The following ZNF736 variants were observed in gnomAD, a reference collection of about 807,000 sequenced individuals.
ZNF736 encodes the protein KRAB-containing zinc-finger repressor protein.
ZNF736 carries 6 observed loss-of-function variants against 11.7 expected under a neutral mutation model. That is an observed-to-expected ratio of 0.51 (90% CI 0.28 to 1.01). ZNF736 has a LOEUF of 1.01. Among genes scored for constraint, ZNF736 ranks in the 50% least tolerant of loss-of-function variants. The probability of loss-of-function intolerance (pLI) is 0.09; values close to 1 mark genes in which losing one functional copy is unlikely to be tolerated. For synonymous variants in ZNF736, 139 were observed against 164.7 expected, an observed-to-expected ratio of 0.84 and a Z score of 1.19; for missense variants, 444 against 496.0, an observed-to-expected ratio of 0.90 and a Z score of 1.00.
chr7:64,323,075 T>G (rs1789024177), intron 1 of ZNF736, among the ~76,000 whole-genome samples: 1 of 152,212 alleles, frequency 6.6e-6, no homozygotes, highest in Admixed American at 6.5e-5. Flanking sequence ...AACCACAGTT[T>G]TGCTCTGCTT....
chr7:64,330,322 A>AT (rs1370834774), intron 1 of ZNF736, among the ~76,000 whole-genome samples: 1 of 151,896 alleles, frequency 6.6e-6, no homozygotes, highest in East Asian at 1.9e-4. Context: ...GCGCCGGCTA[A>AT]TTTTTTTGTA....
At chr7:64,327,679 T>A (rs190122441) in intron 1 of ZNF736, among the ~76,000 whole-genome samples, 2 of 152,302 alleles carry the variant, frequency 1.3e-5, no homozygotes, top group East Asian at 3.9e-4. Context: ...ACGTTTTAAT[T>A]TTTAGATTTT....
rs769246106 is a variant in ZNF736, at chr7:64,329,229, G to GTC, written c.4-7027_4-7026dup. 1.2e-3 allele frequency among the ~76,000 whole-genome samples: 178 copies of GTC among 151,560 alleles called. 2 individuals are homozygous for GTC. The highest frequency in any genetic ancestry group is 3.8e-4 in the Non-Finnish European group (26 of 67,920). On this transcript the variant is annotated intron_variant, in intron 1 of 3. Transcript: ENST00000423484. Reference sequence around the variant, plus strand: ...CCTGTCTGAAAGGTTACATATCTCTGTCTCAGGATTTGCACACTAGTGCCT... The same window carrying GTC: ...CCTGTCTGAAAGGTTACATATCTCTGTCTCTCAGGATTTGCACACTAGTGCCT...
At position 64,351,366 on chromosome 7, in the gene ZNF736, G is replaced by A. The variant is rs79703911; in HGVS notation, c.*2219G>A. On this transcript the variant is annotated 3_prime_UTR_variant, in exon 4 of 4. Coordinates refer to ENST00000423484, the MANE Select transcript of ZNF736 (RefSeq NM_001170905.3). ...CAAAGAAATATCAGGAGTTGCCATG[G>A]TGTCACGGGAAGCTGCAGTATGGGG... 5,220 of 152,452 alleles carry A rather than the reference G, an allele frequency of 0.034. 181 individuals are homozygous for A. Among genetic ancestry groups the A allele is most frequent in the East Asian group, 0.17 (872 of 5,156 alleles). 9.4% of individuals were successfully genotyped at this position (152,452 alleles called of 1,614,324 possible).
In ZNF736 at chr7:64,349,147, A is replaced by G; in HGVS notation, c.1284A>G (p.Ter428=). ...CTAGAGAGAAGCTCCACAAGTGTTA[A>G]AAATGTGGAAAAGCCTTTACCAAGT... ...IHTREKLHKC[*] is the part of the protein sequence containing the mutation. The change falls in exon 4 of 4, where the codon TAA becomes TAG. Residue 428 remains the stop codon, a stop_retained_variant. Coordinates refer to ENST00000423484, the MANE Select transcript of ZNF736 (RefSeq NM_001170905.3). 1 of 1,516,664 alleles carries G rather than the reference A, an allele frequency of 6.6e-7. No homozygotes were observed. Among genetic ancestry groups the G allele is most frequent in the Non-Finnish European group, 8.8e-7 (1 of 1,134,982 alleles). 94.0% of individuals were successfully genotyped at this position (1,516,664 alleles called of 1,614,324 possible). A position where few individuals can be genotyped will look rare whatever the true frequency, so the allele number is the denominator to read the frequency against.
At chr7:64,348,019 T>G (rs1386099460) in intron 3 of ZNF736, 71 bp from the exon 4 acceptor site, 2 of 1,215,790 alleles carry the variant, frequency 1.6e-6, no homozygotes, top group Admixed American at 5.9e-5. Flanking sequence ...TTAATTGCTT[T>G]GTATAATTAT....
At position 64,336,918 on chromosome 7, in the gene ZNF736, C is replaced by A; in HGVS notation, c.162C>A (p.Thr54=). ...GLAIFKPDLM[T]CLEQRKEPWK... is the part of the protein sequence containing the mutation. ...CTATCTTTAAGCCAGACTTGATGAC[C>A]TGTCTGGAGCAAAGAAAAGAGCCTT... The change falls in exon 3 of 4, where the codon ACC becomes ACA. Residue 54 remains threonine (T), a synonymous_variant. Coordinates refer to ENST00000423484, the MANE Select transcript of ZNF736 (RefSeq NM_001170905.3). 6.9e-6 allele frequency: 11 copies of A among 1,602,834 alleles called. No individual in the cohort carries two copies. The highest frequency in any genetic ancestry group is 9.4e-6 in the Non-Finnish European group (11 of 1,174,416).
intron 1 of ZNF736, among the ~76,000 whole-genome samples, chr7:64,322,735 A>G (rs1387271076): frequency 6.6e-6 from 1 of 152,252 alleles, no homozygotes; most frequent in Non-Finnish European, 1.5e-5. Context: ...CGTTGAGTAT[A>G]TTAAGAGACA....
At chr7:64,341,719 G>A (rs1197702392) in intron 3 of ZNF736, among the ~76,000 whole-genome samples, 6 of 152,136 alleles carry the variant, frequency 3.9e-5, no homozygotes, top group African/African-American at 1.4e-4. Flanking sequence ...GATAATACTG[G>A]GAGTTGATTG....
chr7:64,336,967 G>A lies in ZNF736; in HGVS notation c.211G>A (p.Val71Ile), dbSNP rs1348542526. The A allele has an allele frequency of 2.5e-6, 4 of 1,602,446 alleles. No homozygotes were observed. The highest frequency in any genetic ancestry group is 2.6e-6 in the Non-Finnish European group (3 of 1,174,162). The change falls in exon 3 of 4, where the codon GTA becomes ATA. Residue 71 changes from valine to isoleucine, a missense_variant. Coordinates refer to ENST00000423484, the MANE Select transcript of ZNF736 (RefSeq NM_001170905.3). ...EPWKVKRQEA[V>I]AKHPAGSFHF... ...TTGGAAAGTGAAGAGACAGGAGGCA[G>A]TAGCCAAACACCCAGGTAGGTGGGA...
rs1789521575 is a variant in ZNF736, at chr7:64,353,821, G to A, written c.*4674G>A. 2 of 152,164 alleles carry A rather than the reference G, an allele frequency of 1.3e-5. No homozygotes were observed. The highest frequency in any genetic ancestry group is 4.1e-4 in the South Asian group (2 of 4,822). 9.4% of individuals were successfully genotyped at this position (152,164 alleles called of 1,614,324 possible). A position where few individuals can be genotyped will look rare whatever the true frequency, so the allele number is the denominator to read the frequency against. On this transcript the variant is annotated 3_prime_UTR_variant, in exon 4 of 4. Transcript: ENST00000423484. ...TTAGAAGGAAATTGCCTTACCATTT[G>A]CAAATTAAGGTAATTAAAATACAGT...
Position 64,348,289 on chromosome 7 carries a change from C to T in ZNF736, c.426C>T (p.Ser142=), listed in dbSNP as rs1407348412. Residue 142 remains serine (S), a synonymous_variant, in exon 4 of 4, where the codon AGC becomes AGT. Coordinates refer to ENST00000423484, the MANE Select transcript of ZNF736 (RefSeq NM_001170905.3). ...ATCAATGTTTGTCAGCTACCCATAG[C>T]AAAACCTGTCAATGTAATAAATGTG... ...GLHQCLSATH[S]KTCQCNKCGR... is the part of the protein sequence containing the mutation. The T allele has an allele frequency of 6.4e-7, 1 of 1,551,760 alleles. No individual in the cohort carries two copies. Among genetic ancestry groups the T allele is most frequent in the Non-Finnish European group, 8.7e-7 (1 of 1,146,906 alleles).
intron 3 of ZNF736, among the ~76,000 whole-genome samples, chr7:64,347,279 T>TA (rs1789425343): frequency 7.0e-6 from 1 of 143,486 alleles, no homozygotes; most frequent in Non-Finnish European, 1.5e-5. Flanking sequence ...AGTGCAATGT[T>TA]ACAAGCTTGG....
At chr7:64,319,217 T>G (rs1222912822) in intron 1 of ZNF736, among the ~76,000 whole-genome samples, 1 of 151,268 alleles carries the variant, frequency 6.6e-6, no homozygotes, top group African/African-American at 2.4e-5. Flanking sequence ...AAAGACCTTA[T>G]ATGGGAAAAC....
In ZNF736 at chr7:64,313,963, G is replaced by A. The variant is rs1788872882; in HGVS notation, c.-188G>A. On this transcript the variant is annotated 5_prime_UTR_variant, in exon 1 of 4. Transcript: ENST00000423484. The stretch of plus-strand genomic sequence containing the variant: ...AGTGCGCAGCTACAGAGGAAGAGGC[G>A]GCCTCTTCAATATGGCGGGGCCTTT... 4 of 717,184 alleles carry A rather than the reference G, an allele frequency of 5.6e-6. No individual in the cohort carries two copies. Among genetic ancestry groups the A allele is most frequent in the Admixed American group, 2.5e-5 (1 of 40,424 alleles). 44.4% of individuals were successfully genotyped at this position (717,184 alleles called of 1,614,324 possible).
At chr7:64,331,872 A>G (rs187243342) in intron 1 of ZNF736, among the ~76,000 whole-genome samples, 206 of 152,280 alleles carry the variant, frequency 1.4e-3, no homozygotes, top group African/African-American at 4.6e-3. Context: ...CAACTGAGTG[A>G]TGGAAAGGGG....
rs527818731 is a variant in ZNF736 at position 64,349,096 on chromosome 7, C to T, written c.1233C>T (p.His411=). The change falls in exon 4 of 4, where the codon CAC becomes CAT. Residue 411 remains histidine (H), a synonymous_variant. Coordinates refer to ENST00000423484, the MANE Select transcript of ZNF736 (RefSeq NM_001170905.3). ...GCAAAGCATCGAGCTGGTTCTCACA[C>T]CTCATCAGACATAAGAGAATTCATA... ...ECGKASSWFS[H]LIRHKRIHTR... is the part of the protein sequence containing the mutation. 1.9e-6 allele frequency: 3 copies of T among 1,589,632 alleles called. No homozygotes were observed. Among genetic ancestry groups the T allele is most frequent in the Non-Finnish European group, 2.6e-6 (3 of 1,167,398 alleles).
chr7:64,314,158 G>C lies in ZNF736; in HGVS notation c.3+5G>C. 1 of 1,552,134 alleles carries C rather than the reference G, an allele frequency of 6.4e-7. No individual in the cohort carries two copies. Among genetic ancestry groups the C allele is most frequent in the Non-Finnish European group, 8.7e-7 (1 of 1,147,300 alleles). ...ACATCTGGAGGCTGGGAAATGGTGA[G>C]TGCGTGGAGTGGGTGTCCCGAGAAT... is the stretch of plus-strand genomic sequence containing the variant. On this transcript the variant is annotated splice_donor_5th_base_variant and intron_variant, in intron 1 of 3. Coordinates refer to ENST00000423484, the MANE Select transcript of ZNF736 (RefSeq NM_001170905.3).
intron 1 of ZNF736, among the ~76,000 whole-genome samples, chr7:64,335,402 T>C (rs1183976719): frequency 6.6e-6 from 1 of 152,200 alleles, no homozygotes; most frequent in Non-Finnish European, 1.5e-5. Flanking sequence ...TAGACTCAGA[T>C]TGTTGACCCT....
Sources: gnomAD v4.1 joint callset for allele counts (sites outside exome capture counted in the v4.1 genomes callset) on GRCh38, gnomAD v4.1.1 for gene constraint, MANE v1.5 for transcripts, NCBI Gene and HGNC (gene_info 2026-07-23, HGNC 2026-07-21) for gene names.